The following PCDHGC5 variants were observed in gnomAD, a reference collection of about 807,000 sequenced individuals.
PCDHGC5 encodes the protein protocadherin gamma subfamily C, 5, also known as protocadherin gamma-C5.
In PCDHGC5, 25 loss-of-function variants were observed where a neutral mutation model predicts 59.0. That is an observed-to-expected ratio of 0.42 (90% CI 0.31 to 0.59). The LOEUF (loss-of-function observed/expected upper bound fraction) is 0.59. Ranked by LOEUF, PCDHGC5 falls within the 20% of genes least tolerant of loss-of-function variation. PCDHGC5 has a pLI of 0.13. For missense variants in PCDHGC5, 1,067 were observed against 1,206.4 expected (o/e 0.88, Z 1.71); for synonymous variants, 434 against 505.5 (o/e 0.86, Z 1.90).
chr5:141,494,936 G>C, intron 2 of PCDHGC5, 71 bp downstream of exon 2: 1 of 1,612,574 alleles, frequency 6.2e-7, no homozygotes, highest in South Asian at 1.1e-5. Flanking sequence ...GGAGGAGATG[G>C]GGGAGGGCCC....
In PCDHGC5 at chr5:141,511,502, A is replaced by G. The variant is rs953158220; in HGVS notation, c.*329A>G. ...CTGAACTCCTCCATCTTCCAAATCAATCAGGCCCATCCATCCCATGCCTCC... is the reference window on the plus strand; with the variant it reads ...CTGAACTCCTCCATCTTCCAAATCAGTCAGGCCCATCCATCCCATGCCTCC... On this transcript the variant is annotated 3_prime_UTR_variant, in exon 4 of 4. Transcript: ENST00000252087. The G allele has an allele frequency of 1.3e-5, 5 of 395,150 alleles. No homozygotes were observed. Among genetic ancestry groups the G allele is most frequent in the African/African-American group, 1.0e-4 (5 of 48,770 alleles). The allele number at this position is 395,150 out of a possible 1,614,324, so 24.5% of individuals were successfully genotyped here.
At chr5:141,510,335 AC>A (rs1247622083) in intron 3 of PCDHGC5, among the ~76,000 whole-genome samples, 1 of 149,138 alleles carries the variant, frequency 6.7e-6, no homozygotes, top group African/African-American at 2.5e-5. Context: ...CTTCACCCCC[AC>A]CCCACACACT....
rs1177173734 is a variant in PCDHGC5, at chr5:141,491,741, G to A, written c.2460+41G>A. ...CCGCCCCGGGCGACCCCTGGGGGCG[G>A]CACTGGAGAAGCCGCCCGTCCTCAT... On this transcript the variant is annotated intron_variant, in intron 1 of 3. Coordinates refer to ENST00000252087, the MANE Select transcript of PCDHGC5 (RefSeq NM_018929.3). The surrounding 1 kb of genome is among the most constrained non-coding windows in gnomAD (Gnocchi z 6.9). 1.9e-6 allele frequency: 3 copies of A among 1,595,644 alleles called. No homozygotes were observed. In the South Asian group the frequency reaches 3.4e-5, roughly 18 times the overall value.
rs200045647 is a variant in PCDHGC5, at chr5:141,490,150, G to A, written c.910G>A (p.Val304Met). 50 of 1,614,246 alleles carry A rather than the reference G, an allele frequency of 3.1e-5. No individual in the cohort carries two copies. The Admixed American group carries it at 7.7e-4, about 25-fold the overall frequency. Residue 304 changes from valine to methionine, a missense_variant, in exon 1 of 4, where the codon GTG becomes ATG. Val to Met is a conservative substitution (Grantham distance 21). Transcript: ENST00000252087. The surrounding 1 kb of genome is among the most constrained non-coding windows in gnomAD (Gnocchi z 5.4). Reference protein sequence around the residue: ...GLDPSSGAIHVLGPIDFEESR... With the variant: ...GLDPSSGAIHMLGPIDFEESR... ...AGACCCTAGCAGTGGGGCAATCCAT[G>A]TGTTGGGTCCCATAGACTTTGAGGA...
chr5:141,501,030 A>G (rs2099805050), intron 2 of PCDHGC5, among the ~76,000 whole-genome samples: 1 of 151,848 alleles, frequency 6.6e-6, no homozygotes, highest in Admixed American at 6.6e-5. Flanking sequence ...CACCACGCCC[A>G]GCTAATTTTT....
In PCDHGC5 at chr5:141,490,378, G is replaced by A; in HGVS notation, c.1138G>A (p.Gly380Ser). The change falls in exon 1 of 4, where the codon GGT becomes AGT. Residue 380 changes from glycine to serine, a missense_variant. By Grantham distance (56) the Gly-to-Ser change is moderately conservative. Transcript: ENST00000252087. The surrounding 1 kb of genome is among the most constrained non-coding windows in gnomAD (Gnocchi z 5.4). The part of the protein sequence containing the change: ...GLFNVRDRDS[G>S]RNGEVSLDIS... The stretch of plus-strand genomic sequence containing the variant: ...GTTTAATGTGCGAGACCGGGACTCA[G>A]GTAGAAATGGTGAAGTGAGCCTTGA... 1 of 1,614,214 alleles carries A rather than the reference G, an allele frequency of 6.2e-7. No homozygotes were observed. The highest frequency in any genetic ancestry group is 1.1e-5 in the South Asian group (1 of 91,086).
intron 1 of PCDHGC5, among the ~76,000 whole-genome samples, chr5:141,492,927 G>A (rs925569925): frequency 2.0e-5 from 3 of 152,180 alleles, no homozygotes; most frequent in Admixed American, 6.5e-5. Context: ...AGCGATCTAG[G>A]GTCAGAGATT....
rs563057370 is a variant in PCDHGC5 at position 141,491,297 on chromosome 5, A to G, written c.2057A>G (p.Glu686Gly). 1.2e-6 allele frequency: 2 copies of G among 1,614,106 alleles called. No homozygotes were observed. Among genetic ancestry groups the G allele is most frequent in the African/African-American group, 2.7e-5 (2 of 75,038 alleles). Residue 686 changes from glutamate to glycine, a missense_variant, in exon 1 of 4, where the codon GAG becomes GGG. Physicochemically the swap from Glu to Gly is moderately conservative, Grantham distance 98 (BLOSUM62 -2). Transcript: ENST00000252087. This position sits in a 1 kb window ranked among gnomAD's most constrained non-coding sequence, Gnocchi z 6.9. ...KSSDFLIHPP[E>G]RSDLTLYLIV... The stretch of plus-strand genomic sequence containing the variant: ...AGTGACTTCCTCATACACCCTCCTG[A>G]GCGTTCAGACCTTACCCTTTACCTC...
At chr5:141,494,445 A>G (rs1424475551) in intron 1 of PCDHGC5, among the ~76,000 whole-genome samples, 1 of 152,158 alleles carries the variant, frequency 6.6e-6, no homozygotes, top group East Asian at 1.9e-4. Flanking sequence ...TTGCCACTTT[A>G]GGGGGCTTTG....
At chr5:141,505,673 G>C (rs1389292278) in intron 3 of PCDHGC5, among the ~76,000 whole-genome samples, 192 bp downstream of exon 3, 1 of 152,178 alleles carries the variant, frequency 6.6e-6, no homozygotes, top group East Asian at 1.9e-4. Context: ...AGGGGTTGGG[G>C]GTCCTGGGAT....
intron 2 of PCDHGC5, among the ~76,000 whole-genome samples, chr5:141,500,292 T>A (rs1001226545): frequency 2.0e-5 from 3 of 151,954 alleles, no homozygotes; most frequent in Non-Finnish European, 4.4e-5. Context: ...CACTGCAAGC[T>A]CCGCCTCCCA....
In PCDHGC5 at chr5:141,489,291, C is replaced by A; in HGVS notation, c.51C>A (p.Cys17Ter). The part of the protein sequence containing the change: ...PQLAGKWQVL[C>*]MLSLCCWGWV... ...TCGCTGGGAAATGGCAAGTGCTGTG[C>A]ATGTTGTCCTTGTGCTGCTGGGGCT... is the stretch of plus-strand genomic sequence containing the variant. Residue 17 changes from cysteine to a stop codon, truncating the protein, a stop_gained, in exon 1 of 4, where the codon TGC (cysteine) becomes TGA (stop). Transcript: ENST00000252087. LOFTEE classifies it high-confidence loss of function. This position sits in a 1 kb window ranked among gnomAD's most constrained non-coding sequence, Gnocchi z 4.5. 6.3e-7 allele frequency: 1 copy of A among 1,577,628 alleles called. No homozygotes were observed. The highest frequency in any genetic ancestry group is 8.6e-7 in the Non-Finnish European group (1 of 1,161,994).
Position 141,511,186 on chromosome 5 carries a change from G to A in PCDHGC5, c.*13G>A. 1 of 1,613,906 alleles carries A rather than the reference G, an allele frequency of 6.2e-7. No individual in the cohort carries two copies. The highest frequency in any genetic ancestry group is 8.5e-7 in the Non-Finnish European group (1 of 1,179,890). ...GGAGAAGAAGTAACATGGAGGCCAG[G>A]CCAAGAGCCACAGGGCGGCCTCTCC... On this transcript the variant is annotated 3_prime_UTR_variant, in exon 4 of 4. Transcript: ENST00000252087.
At position 141,489,193 on chromosome 5, in the gene PCDHGC5, G is replaced by A; in HGVS notation, c.-48G>A. The A allele has an allele frequency of 2.2e-6, 3 of 1,369,230 alleles. No individual in the cohort carries two copies. Among genetic ancestry groups the A allele is most frequent in the Non-Finnish European group, 3.0e-6 (3 of 1,000,290 alleles). 84.8% of individuals were successfully genotyped at this position (1,369,230 alleles called of 1,614,324 possible). On this transcript the variant is annotated 5_prime_UTR_variant, in exon 1 of 4. Coordinates refer to ENST00000252087, the MANE Select transcript of PCDHGC5 (RefSeq NM_018929.3). The surrounding 1 kb of genome is among the most constrained non-coding windows in gnomAD (Gnocchi z 4.5). ...GCATTCCAAGCCCTGGGTCTACCTT[G>A]GAGACAGGACAGCACAGACTTACTC...
chr5:141,497,538 AC>A lies in PCDHGC5; in HGVS notation c.2519+2675del, dbSNP rs1247704872. Among the ~76,000 whole-genome samples, 601 of 142,636 alleles carry A rather than the reference AC, an allele frequency of 4.2e-3. 3 individuals are homozygous for A. Among genetic ancestry groups the A allele is most frequent in the African/African-American group, 0.013 (497 of 38,408 alleles). The allele number at this position is 142,636 out of a possible 152,430, so 93.6% of individuals were successfully genotyped here. On this transcript the variant is annotated intron_variant, in intron 2 of 3. Coordinates refer to ENST00000252087, the MANE Select transcript of PCDHGC5 (RefSeq NM_018929.3). ...AGTTAACTTGTGGAGGATGCAACAA[AC>A]CTTTTTTTTTTTTTTTTTTAGACAG...
rs1337141924 is a variant in PCDHGC5, at chr5:141,512,916, CTAATATT to C, written c.*1746_*1752del. On this transcript the variant is annotated 3_prime_UTR_variant, in exon 4 of 4. Coordinates refer to ENST00000252087, the MANE Select transcript of PCDHGC5 (RefSeq NM_018929.3). The stretch of plus-strand genomic sequence containing the variant: ...CTGTGTCTCACGCAAGTTTTATACT[CTAATATT>C]TATATGGCTTTTTTTCTTCGACAAA... The C allele has an allele frequency of 1.3e-5, 2 of 152,206 alleles. No homozygotes were observed. Among genetic ancestry groups the C allele is most frequent in the Non-Finnish European group, 2.9e-5 (2 of 68,046 alleles). The allele number at this position is 152,206 out of a possible 1,614,324, so 9.4% of individuals were successfully genotyped here.
chr5:141,491,450 C>G lies in PCDHGC5; in HGVS notation c.2210C>G (p.Pro737Arg). ...GGQCCRRQDS[P>R]SPDFYKQSSP... ...CAGTGCTGCAGGCGCCAGGACTCAC[C>G]CTCCCCGGACTTCTATAAGCAGTCC... Residue 737 changes from proline (P) to arginine (R), a missense_variant, in exon 1 of 4, where the codon CCC becomes CGC. Pro to Arg is a moderately radical substitution (Grantham distance 103). Transcript: ENST00000252087. The surrounding 1 kb of genome is among the most constrained non-coding windows in gnomAD (Gnocchi z 6.9). The G allele has an allele frequency of 1.2e-6, 2 of 1,614,110 alleles. No homozygotes were observed. Among genetic ancestry groups the G allele is most frequent in the Non-Finnish European group, 1.7e-6 (2 of 1,180,044 alleles).
At position 141,505,406 on chromosome 5, in the gene PCDHGC5, G is replaced by A. The variant is rs546453598; in HGVS notation, c.2533G>A (p.Asp845Asn). 61 of 1,614,174 alleles carry A rather than the reference G, an allele frequency of 3.8e-5. No individual in the cohort carries two copies. The highest frequency in any genetic ancestry group is 1.1e-4 in the East Asian group (5 of 44,866). ...RPGTSGSQNG[D>N]DTGTWPNNQF... Reference sequence around the variant, plus strand: ...CTCTCTCCCCAGCTCCCAAAATGGCGATGACACCGGCACCTGGCCCAACAA... The same window carrying A: ...CTCTCTCCCCAGCTCCCAAAATGGCAATGACACCGGCACCTGGCCCAACAA... Residue 845 changes from aspartate to asparagine, a missense_variant, in exon 3 of 4, where the codon GAT (aspartate) becomes AAT (asparagine). Transcript: ENST00000252087.
Position 141,511,089 on chromosome 5 carries a change from C to T in PCDHGC5, c.2751C>T (p.Thr917=). The change falls in exon 4 of 4, where the codon ACC becomes ACT. Residue 917 remains threonine (T), a synonymous_variant. Transcript: ENST00000252087. ...TCCCAGGCAGCAATGCCACACTGAC[C>T]AACGCAGCTGGCAAGCGGGATGGCA... is the stretch of plus-strand genomic sequence containing the variant. ...VYIPGSNATL[T]NAAGKRDGKA... 1 of 1,614,212 alleles carries T rather than the reference C, an allele frequency of 6.2e-7. No individual in the cohort carries two copies. Among genetic ancestry groups the T allele is most frequent in the Non-Finnish European group, 8.5e-7 (1 of 1,180,026 alleles).
Sources: allele counts gnomAD v4.1 joint callset (sites outside exome capture counted in the v4.1 genomes callset), GRCh38; gene constraint gnomAD v4.1.1; non-coding constraint Gnocchi (gnomAD v3.1); transcripts MANE v1.5; gene names NCBI Gene and HGNC (gene_info 2026-07-23, HGNC 2026-07-21).